ATAD2B: variants seen among roughly 807,000 people sequenced by gnomAD.
ATAD2B encodes the protein ATPase family AAA domain-containing protein 2B.
Under a neutral mutation model 167.6 loss-of-function variants are expected in ATAD2B, and 40 were observed. That is an observed-to-expected ratio of 0.24 (90% confidence interval 0.19 to 0.31). The LOEUF is 0.31. Among genes scored for constraint, ATAD2B ranks in the 10% least tolerant of loss-of-function variants. The pLI is 1.00. For synonymous variants in ATAD2B, 579 were observed against 596.5 expected, an observed-to-expected ratio of 0.97 and a Z score of 0.43; for missense variants, 1,242 against 1,757.2, an observed-to-expected ratio of 0.71 and a Z score of 5.24.
At chr2:23,842,602 G>T (rs189461451) in intron 13 of ATAD2B, among the ~76,000 whole-genome samples, 1 of 152,082 alleles carries the variant, frequency 6.6e-6, no homozygotes, top group Non-Finnish European at 1.5e-5. Context: ...ATGCAACAGG[G>T]GTTGGGAGGG....
chr2:23,740,801 C>G, the ATAD2B span, among the ~76,000 whole-genome samples: 1 of 152,162 alleles, frequency 6.6e-6, no homozygotes, highest in Non-Finnish European at 1.5e-5. Context: ...ATCTAGAAAA[C>G]CCCATCGTCT....
At chr2:23,754,442 G>T in intron 26 of ATAD2B, 135 bp from the exon 27 acceptor site, 1 of 1,150,424 alleles carries the variant, frequency 8.7e-7, no homozygotes, top group Non-Finnish European at 1.2e-6. Context: ...AGATTTGAGG[G>T]CTTAAAATCA....
intron 2 of ATAD2B, among the ~76,000 whole-genome samples, chr2:23,891,334 G>T (rs992294037): frequency 7.2e-5 from 11 of 151,990 alleles, no homozygotes; most frequent in African/African-American, 2.7e-4. Flanking sequence ...CTGAGATTTT[G>T]TAAGGGTTAG....
intron 25 of ATAD2B, 196 bp from the exon 26 acceptor site, chr2:23,754,970 A>T (rs1248855792): frequency 4.2e-6 from 2 of 479,332 alleles, no homozygotes; most frequent in Non-Finnish European, 7.2e-6. Context: ...AAATTAAAGA[A>T]AACTAAACTA....
chr2:23,728,084 G>A, the ATAD2B span, among the ~76,000 whole-genome samples: 4 of 152,106 alleles, frequency 2.6e-5, no homozygotes, highest in African/African-American at 9.7e-5. Context: ...ATGAATATTT[G>A]CTTACCAATT....
rs762916583 is a variant in ATAD2B, at chr2:23,862,194, C to CA, written c.1479+1186dup. Reference sequence around the variant, plus strand: ...CCTGGGTGACAGAGCGTGACCCTTTCAAAAAAAAAAAAAAAATTGTGAAGT... The same window carrying CA: ...CCTGGGTGACAGAGCGTGACCCTTTCAAAAAAAAAAAAAAAAATTGTGAAGT... On this transcript the variant is annotated intron_variant, in intron 12 of 27. Coordinates refer to ENST00000238789, the MANE Select transcript of ATAD2B (RefSeq NM_017552.4). Among the ~76,000 whole-genome samples, 1,038 of 114,418 alleles carry CA rather than the reference C, an allele frequency of 9.1e-3. 10 individuals carry two copies. The highest frequency in any genetic ancestry group is 0.024 in the African/African-American group (747 of 30,984). The allele number at this position is 114,418 out of a possible 152,430, so 75.1% of individuals were successfully genotyped here.
intron 18 of ATAD2B, among the ~76,000 whole-genome samples, chr2:23,804,687 A>C (rs1684068260): frequency 6.6e-6 from 1 of 152,018 alleles, no homozygotes; most frequent in South Asian, 2.1e-4. Context: ...AAAAAAAAAA[A>C]ACCCTATAAC....
At chr2:23,737,922 T>C in the ATAD2B span, among the ~76,000 whole-genome samples, 313 of 152,224 alleles carry the variant, frequency 2.1e-3, 1 homozygote, top group African/African-American at 7.0e-3. Context: ...CAGTAGCCGA[T>C]GCGATAAACT....
At chr2:23,881,710 C>A (rs1032720375) in intron 6 of ATAD2B, among the ~76,000 whole-genome samples, 5 of 151,226 alleles carry the variant, frequency 3.3e-5, no homozygotes, top group African/African-American at 9.7e-5. Context: ...TTATAATGTA[C>A]ATAAATCCTA....
At chr2:23,896,141 C>A (rs1700121817) in intron 1 of ATAD2B, among the ~76,000 whole-genome samples, 171 bp from the exon 2 acceptor site, 1 of 149,832 alleles carries the variant, frequency 6.7e-6, no homozygotes, top group South Asian at 2.1e-4. Context: ...CATGGTGAAA[C>A]CCCGCCTCTA....
At chr2:23,903,786 G>C (rs1701118414) in intron 1 of ATAD2B, among the ~76,000 whole-genome samples, 1 of 152,122 alleles carries the variant, frequency 6.6e-6, no homozygotes, top group Non-Finnish European at 1.5e-5. Context: ...CAGACCACTA[G>C]ATTAAATCAA....
intron 14 of ATAD2B, among the ~76,000 whole-genome samples, chr2:23,831,259 A>T (rs1689029948): frequency 6.6e-6 from 1 of 152,210 alleles, no homozygotes; most frequent in African/African-American, 2.4e-5. Context: ...TACAACAATC[A>T]TAAAAATGAT....
chr2:23,790,841 T>G (rs1681571121), intron 19 of ATAD2B, among the ~76,000 whole-genome samples: 1 of 152,174 alleles, frequency 6.6e-6, no homozygotes, highest in Non-Finnish European at 1.5e-5. Context: ...CTTCCAATAT[T>G]TCTGAAAAAA....
At chr2:23,729,296 T>C in the ATAD2B span, among the ~76,000 whole-genome samples, 1 of 152,200 alleles carries the variant, frequency 6.6e-6, no homozygotes, top group Non-Finnish European at 1.5e-5. Context: ...AATGGAGTCA[T>C]TCATATTAAG....
At chr2:23,917,950 C>A (rs1285661237) in intron 1 of ATAD2B, among the ~76,000 whole-genome samples, 1 of 151,576 alleles carries the variant, frequency 6.6e-6, no homozygotes, top group Non-Finnish European at 1.5e-5. Flanking sequence ...CGCAGCTACT[C>A]GGGAGGCTGA....
At chr2:23,755,376 T>G (rs116570070) in intron 25 of ATAD2B, among the ~76,000 whole-genome samples, 1 of 152,180 alleles carries the variant, frequency 6.6e-6, no homozygotes, top group African/African-American at 2.4e-5. Context: ...TAGTGTAATC[T>G]AATTACTTTC....
rs775045057 is a variant in ATAD2B, at chr2:23,754,669, A to G, written c.4184T>C (p.Ile1395Thr). The change falls in exon 26 of 28, where the codon ATA (isoleucine) becomes ACA (threonine). Residue 1395 changes from isoleucine to threonine, a missense_variant. Physicochemically the swap from Ile to Thr is moderately conservative, Grantham distance 89. Around this residue, in one of 9 missense-constraint regions of ATAD2B, gnomAD observed 282 missense variants for 346.8 expected, o/e 0.81. Transcript: ENST00000238789. ...EEPSEPVPPL[I>T]VDRERLKKLL... ...TACCTTCAATCTCTCACGATCAACT[A>G]TAAGAGGAGGCACAGGCTCAGATGG... 9.3e-6 allele frequency: 15 copies of G among 1,612,822 alleles called. No individual in the cohort carries two copies. The highest frequency in any genetic ancestry group is 2.2e-5 in the East Asian group (1 of 44,864).
At chr2:23,764,965 A>G (rs1677210153) in intron 23 of ATAD2B, among the ~76,000 whole-genome samples, 1 of 152,202 alleles carries the variant, frequency 6.6e-6, no homozygotes, top group Non-Finnish European at 1.5e-5. Flanking sequence ...TGCTCTGAAC[A>G]TGCTTCAACC....
the ATAD2B span, among the ~76,000 whole-genome samples, chr2:23,679,794 G>A: frequency 1.9e-3 from 291 of 152,318 alleles, 1 homozygote; most frequent in African/African-American, 6.8e-3. Context: ...GGGTGTGGGA[G>A]GAAGAGGGGA....
Sources: gnomAD v4.1 joint callset for allele counts (sites outside exome capture counted in the v4.1 genomes callset) on GRCh38, gnomAD v4.1.1 for gene constraint, gnomAD v4.1.1 regional missense constraint, MANE v1.5 for transcripts, NCBI Gene and HGNC (gene_info 2026-07-23, HGNC 2026-07-21) for gene names.